Variants in CCDC73 observed in about 807,000 individuals in gnomAD.
CCDC73 encodes coiled-coil domain containing 73.
Under a neutral mutation model 116.5 loss-of-function variants are expected in CCDC73, and 95 were observed. The observed-to-expected ratio is 0.82, with a 90% CI of 0.69 to 0.97. CCDC73 has a LOEUF of 0.97. Ranked by LOEUF, CCDC73 falls within the 50% of genes least tolerant of loss-of-function variation. CCDC73 has a pLI of 0.00. For missense variants in CCDC73, 1,066 were observed against 1,206.8 expected (o/e 0.88, Z 1.73); for synonymous variants, 398 against 401.3 (o/e 0.99, Z 0.10).
intron 7 of CCDC73, among the ~76,000 whole-genome samples, chr11:32,678,817 A>G (rs1424616947): frequency 1.3e-5 from 2 of 150,628 alleles, no homozygotes. Context: ...CAGGAGGCAG[A>G]GGTTGCAGTG....
At chr11:32,733,178 T>C (rs950537882) in intron 2 of CCDC73, among the ~76,000 whole-genome samples, 1 of 152,174 alleles carries the variant, frequency 6.6e-6, no homozygotes, top group African/African-American at 2.4e-5. Context: ...AAGAAGGCCA[T>C]TATATAATGG....
chr11:32,602,969 T>C lies in CCDC73; in HGVS notation c.3082A>G (p.Ile1028Val), dbSNP rs1414880342. The C allele has an allele frequency of 2.5e-6, 4 of 1,613,574 alleles. No individual in the cohort carries two copies. In the South Asian group the frequency reaches 4.4e-5, roughly 18 times the overall value. Residue 1028 changes from isoleucine (I) to valine (V), a missense_variant, in exon 18 of 18, where the codon ATC becomes GTC. Transcript: ENST00000335185. Reference protein sequence around the residue: ...STPLQSHLQAIKTTKNTSGDD... With the variant: ...STPLQSHLQAVKTTKNTSGDD... ...CCAGAAGTATTTTTAGTCGTCTTGA[T>C]TGCCTGCAAATGGCTTTGTAGTGGA...
In CCDC73 at chr11:32,611,063, T is replaced by G. The variant is rs1363907616; in HGVS notation, c.3030+69A>C. 1.3e-5 allele frequency: 20 copies of G among 1,489,090 alleles called. No homozygotes were observed. The Admixed American group carries it at 3.6e-4, about 27-fold the overall frequency. The allele number at this position is 1,489,090 out of a possible 1,614,324, so 92.2% of individuals were successfully genotyped here. ...TTAGGTCTTAAAGCATCCAGATGCG[T>G]ACAGTTCTACACATATCTGTAGAAT... On this transcript the variant is annotated intron_variant, in intron 17 of 17. Coordinates refer to ENST00000335185, the MANE Select transcript of CCDC73 (RefSeq NM_001008391.4).
chr11:32,698,922 C>A (rs926763563), intron 6 of CCDC73, among the ~76,000 whole-genome samples: 1 of 152,068 alleles, frequency 6.6e-6, no homozygotes, highest in Non-Finnish European at 1.5e-5. Flanking sequence ...AAATTCAATG[C>A]TATTTTAATT....
intron 9 of CCDC73, among the ~76,000 whole-genome samples, chr11:32,657,578 G>C (rs1855885046): frequency 6.6e-6 from 1 of 152,020 alleles, no homozygotes; most frequent in Non-Finnish European, 1.5e-5. Flanking sequence ...TGATATCTGT[G>C]GGTATAGCAA....
intron 14 of CCDC73, among the ~76,000 whole-genome samples, chr11:32,632,489 G>A (rs1855640408): frequency 6.6e-6 from 1 of 152,146 alleles, no homozygotes; most frequent in African/African-American, 2.4e-5. Context: ...GCCTCCCAAA[G>A]TGCTGGGATT....
intron 1 of CCDC73, among the ~76,000 whole-genome samples, chr11:32,784,380 A>G (rs1850609360): frequency 6.6e-6 from 1 of 152,292 alleles, no homozygotes; most frequent in African/African-American, 2.4e-5. Context: ...CAAGGTGGTA[A>G]GGAAAAATAA....
intron 14 of CCDC73, among the ~76,000 whole-genome samples, chr11:32,621,248 C>T (rs1161694457): frequency 1.3e-5 from 2 of 152,172 alleles, no homozygotes; most frequent in East Asian, 1.9e-4. Context: ...AAGCTGGAGG[C>T]ATCATGCTAC....
chr11:32,671,943 G>A (rs1590584390), intron 9 of CCDC73, among the ~76,000 whole-genome samples: 2 of 152,124 alleles, frequency 1.3e-5, no homozygotes, highest in Admixed American at 1.3e-4. Flanking sequence ...TTCTTCTCAC[G>A]CATAGAAAGA....
chr11:32,616,806 T>C (rs1308447397), intron 14 of CCDC73, among the ~76,000 whole-genome samples: 6 of 152,170 alleles, frequency 3.9e-5, no homozygotes, highest in Non-Finnish European at 8.8e-5. Context: ...TACAGTCTGG[T>C]ATGAAGATAA....
At chr11:32,771,439 G>C (rs1263766484) in intron 1 of CCDC73, among the ~76,000 whole-genome samples, 1 of 152,150 alleles carries the variant, frequency 6.6e-6, no homozygotes, top group Non-Finnish European at 1.5e-5. Flanking sequence ...GTGCCCACTT[G>C]CATTTCAGAA....
intron 16 of CCDC73, 123 bp from the exon 17 acceptor site, chr11:32,611,388 T>C: frequency 1.2e-6 from 1 of 856,154 alleles, no homozygotes; most frequent in Non-Finnish European, 1.8e-6. Context: ...ATTTTAATGT[T>C]GAATATTTTG....
chr11:32,738,552 A>AT (rs1447475613), intron 2 of CCDC73, among the ~76,000 whole-genome samples: 2 of 151,632 alleles, frequency 1.3e-5, no homozygotes, highest in Non-Finnish European at 2.9e-5. Context: ...GGATTGTTAG[A>AT]TTTTTTCCTA....
chr11:32,750,967 T>G (rs1940572837), intron 2 of CCDC73, among the ~76,000 whole-genome samples: 1 of 152,282 alleles, frequency 6.6e-6, no homozygotes, highest in Middle Eastern at 3.4e-3. Flanking sequence ...GCCCACAGCA[T>G]GTACTACCTG....
At chr11:32,758,634 TG>T in intron 2 of CCDC73, 3 of 331,322 alleles carry the variant, frequency 9.1e-6, no homozygotes, top group South Asian at 2.6e-5. Context: ...GAAGCTTTCT[TG>T]GGTAATAAAA....
chr11:32,732,216 G>GA (rs1227775841), intron 2 of CCDC73, among the ~76,000 whole-genome samples: 13 of 152,242 alleles, frequency 8.5e-5, no homozygotes, highest in Admixed American at 2.0e-4. Context: ...GAAGTTTACA[G>GA]AAAAAAGAGT....
At chr11:32,607,303 G>A (rs968860755) in intron 17 of CCDC73, among the ~76,000 whole-genome samples, 6 of 149,230 alleles carry the variant, frequency 4.0e-5, no homozygotes, top group African/African-American at 1.5e-4. Context: ...CGTTTTAGCC[G>A]GGATGGTCTC....
rs144487392 is a variant in CCDC73 at position 32,671,853 on chromosome 11, C to T, written c.645+3712G>A. On this transcript the variant is annotated intron_variant, in intron 9 of 17. Coordinates refer to ENST00000335185, the MANE Select transcript of CCDC73 (RefSeq NM_001008391.4). The stretch of plus-strand genomic sequence containing the variant: ...AGTGACAGAGGCCACTACTGCATGA[C>T]ATGTTAGTACATTTAGGTAGCCCTA... Among the ~76,000 whole-genome samples, 1,020 of 152,334 alleles carry T rather than the reference C, an allele frequency of 6.7e-3. 11 individuals carry two copies. Among genetic ancestry groups the T allele is most frequent in the African/African-American group, 0.023 (955 of 41,572 alleles).
chr11:32,734,425 C>CTTTTTTTTTTTTTTTTTTTT (rs34093038), intron 2 of CCDC73, among the ~76,000 whole-genome samples: 1 of 131,368 alleles, frequency 7.6e-6, no homozygotes, highest in Non-Finnish European at 1.6e-5. Flanking sequence ...ATTTTTTTTT[C>CTTTTTTTTTTTTTTTTTTTT]TTTTTTTTTT....
Sources: allele counts gnomAD v4.1 joint callset (sites outside exome capture counted in the v4.1 genomes callset), GRCh38; gene constraint gnomAD v4.1.1; transcripts MANE v1.5; gene names NCBI Gene and HGNC (gene_info 2026-07-23, HGNC 2026-07-21).